Variants in ZNF799 observed in about 807,000 individuals in gnomAD.
The protein encoded by ZNF799 is zinc finger protein 799.
In ZNF799, 28 loss-of-function variants were observed where a neutral mutation model predicts 41.0. That is an observed-to-expected ratio of 0.68 (90% CI 0.51 to 0.94). The LOEUF (loss-of-function observed/expected upper bound fraction) is 0.94, where lower values mean the gene tolerates loss of function less well. Among genes scored for constraint, ZNF799 ranks in the 40% least tolerant of loss-of-function variants. The probability of loss-of-function intolerance (pLI) is 0.00; values close to 1 mark genes in which losing one functional copy is unlikely to be tolerated. For missense variants in ZNF799, 716 were observed against 764.3 expected (o/e 0.94, Z 0.74); for synonymous variants, 213 against 252.9 (o/e 0.84, Z 1.50).
chr19:12,401,222 C>A lies in ZNF799; in HGVS notation c.-152G>T. 2 of 1,493,720 alleles carry A rather than the reference C, an allele frequency of 1.3e-6. No individual in the cohort carries two copies. The highest frequency in any genetic ancestry group is 8.9e-7 in the Non-Finnish European group (1 of 1,119,194). The allele number at this position is 1,493,720 out of a possible 1,614,324, so 92.5% of individuals were successfully genotyped here. On this transcript the variant is annotated 5_prime_UTR_variant, in exon 1 of 4. Coordinates refer to ENST00000430385, the MANE Select transcript of ZNF799 (RefSeq NM_001080821.3). ...CCAGCGCAGGTGGGTGGAGAAGACGCCGCGGGCTTTTTCAACCACACACTC... is the reference window on the plus strand; with the variant it reads ...CCAGCGCAGGTGGGTGGAGAAGACGACGCGGGCTTTTTCAACCACACACTC...
chr19:12,392,381 G>C (rs1310709326), intron 3 of ZNF799, among the ~76,000 whole-genome samples, 175 bp from the exon 4 acceptor site: 2 of 152,230 alleles, frequency 1.3e-5, no homozygotes, highest in Non-Finnish European at 2.9e-5. Flanking sequence ...GTGTTCTCAA[G>C]ACAATCACAT....
At chr19:12,398,319 C>T (rs537871457) in intron 1 of ZNF799, 1 of 151,950 alleles carries the variant, frequency 6.6e-6, no homozygotes, top group Non-Finnish European at 1.5e-5. Flanking sequence ...TGGCCTCAGG[C>T]CTCTCTGCCA....
upstream of ZNF799, among the ~76,000 whole-genome samples, chr19:12,401,967 A>T (rs1444009354): frequency 6.6e-6 from 1 of 152,210 alleles, no homozygotes. Flanking sequence ...GCTAGCAAAT[A>T]CTAGGTCTTA....
Position 12,390,834 on chromosome 19 carries a change from G to A in ZNF799, c.1564C>T (p.His522Tyr), listed in dbSNP as rs766588997. The A allele has an allele frequency of 4.3e-6, 7 of 1,614,102 alleles. No individual in the cohort carries two copies. The highest frequency in any genetic ancestry group is 5.9e-6 in the Non-Finnish European group (7 of 1,180,008). The change falls in exon 4 of 4, where the codon CAT becomes TAT. Residue 522 changes from histidine to tyrosine, a missense_variant. By Grantham distance (83) the His-to-Tyr change is moderately conservative. This residue lies in a region of ZNF799 where 698 missense variants were observed against 713.6 expected (regional missense o/e 0.98). Coordinates refer to ENST00000430385, the MANE Select transcript of ZNF799 (RefSeq NM_001080821.3). The part of the protein sequence containing the change: ...AFSHFGNLKV[H>Y]ERIHSGEKPY... ...TTCTCTCCAGAGTGAATTCTTTCAT[G>A]TACTTTTAAGTTACCAAAATGACTG...
intron 2 of ZNF799, among the ~76,000 whole-genome samples, 166 bp from the exon 3 acceptor site, chr19:12,392,829 T>C (rs1187997395): frequency 1.3e-5 from 2 of 152,040 alleles, no homozygotes. Flanking sequence ...TATACATATA[T>C]ATATGAATGT....
At position 12,391,685 on chromosome 19, in the gene ZNF799, C is replaced by G. The variant is rs748532281; in HGVS notation, c.713G>C (p.Ser238Thr). 1.3e-5 allele frequency: 21 copies of G among 1,614,026 alleles called. No individual in the cohort carries two copies. Among genetic ancestry groups the G allele is most frequent in the Non-Finnish European group, 1.4e-5 (17 of 1,179,990 alleles). ...TGTTCTTTCATGTCTTAGATAGGAA[C>G]TGTAAAAAGAAAAGGCTTTAGAACA... ...KQCSKAFSFY[S>T]SYLRHERTHT... The change falls in exon 4 of 4, where the codon AGT becomes ACT. Residue 238 changes from serine (S) to threonine (T), a missense_variant. Around this residue, in one of 2 missense-constraint regions of ZNF799, gnomAD observed 698 missense variants for 713.6 expected, o/e 0.98. Coordinates refer to ENST00000430385, the MANE Select transcript of ZNF799 (RefSeq NM_001080821.3).
In ZNF799 at chr19:12,390,616, C is replaced by A; in HGVS notation, c.1782G>T (p.Gly594=). The A allele has an allele frequency of 6.2e-7, 1 of 1,613,866 alleles. No individual in the cohort carries two copies. The highest frequency in any genetic ancestry group is 8.5e-7 in the Non-Finnish European group (1 of 1,179,852). The change falls in exon 4 of 4, where the codon GGG becomes GGT. Residue 594 remains glycine, a synonymous_variant. Coordinates refer to ENST00000430385, the MANE Select transcript of ZNF799 (RefSeq NM_001080821.3). The part of the protein sequence containing the change: ...GENPYECKEC[G]KAFASLSSLH... ...AGGAACTGAGAGAAGCAAATGCTTT[C>A]CCACATTCCTTACATTCATACGGGT...
intron 1 of ZNF799, chr19:12,394,943 G>T: frequency 1.1e-6 from 1 of 922,358 alleles, no homozygotes; most frequent in Non-Finnish European, 1.3e-6. Context: ...TGGTAGAAAA[G>T]TCTTGTGGAG....
the ZNF799 span, among the ~76,000 whole-genome samples, chr19:12,410,123 G>A: frequency 2.1e-4 from 32 of 151,806 alleles, no homozygotes; most frequent in South Asian, 6.0e-3. Flanking sequence ...ACTCCACCCT[G>A]GGCAACAGAG....
intron 1 of ZNF799, among the ~76,000 whole-genome samples, chr19:12,399,958 T>C (rs397833381): frequency 2.0e-5 from 3 of 152,080 alleles, no homozygotes; most frequent in African/African-American, 7.2e-5. Context: ...GAACCCAAAA[T>C]AATTCTTTCA....
rs201936838 is a variant in ZNF799, at chr19:12,390,280, G to T, written c.*186C>A. The T allele has an allele frequency of 5.4e-6, 5 of 932,196 alleles. No homozygotes were observed. In the East Asian group the frequency reaches 1.3e-4, roughly 25 times the overall value. 57.7% of individuals were successfully genotyped at this position (932,196 alleles called of 1,614,324 possible). A position where few individuals can be genotyped will look rare whatever the true frequency, so the allele number is the denominator to read the frequency against. On this transcript the variant is annotated 3_prime_UTR_variant, in exon 4 of 4. Transcript: ENST00000430385. ...ATAAAAGGGACTGGACATGGCTCAC[G>T]GAGTGCTGGAACCAATACCCAGCAG...
At chr19:12,395,413 A>T (rs1044235116) in intron 1 of ZNF799, among the ~76,000 whole-genome samples, 1 of 152,152 alleles carries the variant, frequency 6.6e-6, no homozygotes, top group African/African-American at 2.4e-5. Flanking sequence ...AAGTGCTAGG[A>T]TTACAGGTGT....
At chr19:12,402,416 CTTTT>C (rs745521629), upstream of ZNF799, among the ~76,000 whole-genome samples, 3 of 125,018 alleles carry the variant, frequency 2.4e-5, no homozygotes, top group Non-Finnish European at 4.8e-5. Context: ...CCCTTTATTT[CTTTT>C]TTTTTTTTTT....
chr19:12,397,935 T>C (rs111324580), intron 1 of ZNF799, among the ~76,000 whole-genome samples: 9,910 of 152,102 alleles, frequency 0.065, 1,023 homozygotes, highest in African/African-American at 0.22. Flanking sequence ...TGAAAAAATA[T>C]ACTCCATTCT....
intron 1 of ZNF799, among the ~76,000 whole-genome samples, chr19:12,398,433 T>C (rs1269870162): frequency 8.5e-5 from 13 of 152,258 alleles, no homozygotes; most frequent in Admixed American, 2.0e-4. Flanking sequence ...TCAGTGTTTA[T>C]GTCTATGGGT....
chr19:12,400,828 C>CG, intron 1 of ZNF799: 1 of 629,048 alleles, frequency 1.6e-6, no homozygotes, highest in Non-Finnish European at 2.7e-6. Context: ...GCTGCGGGCG[C>CG]GGAGCTGCCC....
intron 1 of ZNF799, among the ~76,000 whole-genome samples, chr19:12,398,810 T>C (rs189286388): frequency 1.3e-5 from 2 of 152,290 alleles, no homozygotes; most frequent in East Asian, 3.9e-4. Context: ...TCCTTGGTAG[T>C]AGTTATACTA....
chr19:12,394,807 A>G (rs1969871680), intron 1 of ZNF799: 10 of 985,304 alleles, frequency 1.0e-5, no homozygotes, highest in Non-Finnish European at 1.2e-5. Context: ...AACTCACAGT[A>G]TCTAAAAAAT....
Position 12,392,187 on chromosome 19 carries a change from ATCTC to A in ZNF799, c.207_210del (p.Glu69AspfsTer23), listed in dbSNP as rs781027950. The A allele has an allele frequency of 1.1e-4, 167 of 1,582,400 alleles. No homozygotes were observed. Among genetic ancestry groups the A allele is most frequent in the Admixed American group, 3.3e-4 (18 of 55,268 alleles). Reference sequence around the variant, plus strand: ...TGAGTTCCATCTTTACTTTCAACAAATCTCTCTAACATACGACATCTGTAAAAAA... The same window carrying A: ...TGAGTTCCATCTTTACTTTCAACAAATCTAACATACGACATCTGTAAAAAA... On this transcript the variant is annotated frameshift_variant, in exon 4 of 4. Transcript: ENST00000430385. LOFTEE classifies it low-confidence loss of function (END_TRUNC).
Sources: allele counts gnomAD v4.1 joint callset (sites outside exome capture counted in the v4.1 genomes callset), GRCh38; gene constraint gnomAD v4.1.1; regional missense constraint gnomAD v4.1.1; transcripts MANE v1.5; gene names NCBI Gene and HGNC (gene_info 2026-07-23, HGNC 2026-07-21).